The following CDK17 variants were observed in gnomAD, a reference collection of about 807,000 sequenced individuals.
The protein encoded by CDK17 is cyclin-dependent kinase 17.
In CDK17, 24 loss-of-function variants were observed where a neutral mutation model predicts 77.6. The ratio of observed to expected loss-of-function variants is 0.31; its 90% CI spans 0.22 to 0.44. CDK17 has a LOEUF of 0.44. CDK17 is among the 20% of genes least tolerant of loss of function. The pLI is 1.00. For synonymous variants in CDK17, 203 were observed against 210.4 expected (o/e 0.96, Z 0.30); for missense variants, 429 against 622.5 (o/e 0.69, Z 3.31).
chr12:96,312,000 G>T (rs1168105206), intron 4 of CDK17, among the ~76,000 whole-genome samples: 2 of 152,002 alleles, frequency 1.3e-5, no homozygotes, highest in African/African-American at 4.8e-5. Flanking sequence ...TATGGGGGAG[G>T]GATACAGAAA....
rs1952157423 is a variant in CDK17 at position 96,280,189 on chromosome 12, T to TAATTG, written c.*52_*53insCAATT. On this transcript the variant is annotated 3_prime_UTR_variant, in exon 17 of 17. Coordinates refer to ENST00000261211, the MANE Select transcript of CDK17 (RefSeq NM_002595.5). The stretch of plus-strand genomic sequence containing the variant: ...AGAAATAATTGCCTTCAGTTCTGAG[T>TAATTG]CCTTGATTGGTAAGAAAGGCTGGGG... 2.0e-6 allele frequency: 3 copies of TAATTG among 1,535,502 alleles called. No homozygotes were observed. In the East Asian group the frequency reaches 7.4e-5, roughly 38 times the overall value.
chr12:96,398,628 C>CA (rs1196126121), intron 1 of CDK17, among the ~76,000 whole-genome samples: 1 of 152,148 alleles, frequency 6.6e-6, no homozygotes, highest in Admixed American at 6.5e-5. Flanking sequence ...AGAAATCTTT[C>CA]AACAAAGACT....
Position 96,342,760 on chromosome 12 carries a change from T to C in CDK17, c.-29-7895A>G, listed in dbSNP as rs1054142461. On this transcript the variant is annotated intron_variant, in intron 1 of 16. Transcript: ENST00000261211. ...CAGGCGGATCACCTGAGGTTGGGAG[T>C]TCAAGACCGCCTGATCAACATGGAG... 6.6e-5 allele frequency among the ~76,000 whole-genome samples: 10 copies of C among 151,742 alleles called. No individual in the cohort carries two copies. The East Asian group carries it at 1.5e-3, about 24-fold the overall frequency.
intron 10 of CDK17, among the ~76,000 whole-genome samples, chr12:96,291,384 C>A (rs34370421): frequency 0.052 from 7,889 of 152,094 alleles, 270 homozygotes; most frequent in Non-Finnish European, 0.064. Context: ...CTCAACCTCC[C>A]GGGCACAACT....
At chr12:96,368,961 T>C (rs1482872386) in intron 1 of CDK17, among the ~76,000 whole-genome samples, 15 of 152,200 alleles carry the variant, frequency 9.9e-5, no homozygotes, top group African/African-American at 3.6e-4. Context: ...ATGAAATTGC[T>C]GTATTATTCC....
At chr12:96,398,962 A>T (rs923650430) in intron 1 of CDK17, 11 of 152,214 alleles carry the variant, frequency 7.2e-5, no homozygotes, top group African/African-American at 2.7e-4. Context: ...CGGCCATGTG[A>T]CATTATAGAT....
chr12:96,320,892 G>A, intron 3 of CDK17, among the ~76,000 whole-genome samples: 1 of 34,726 alleles, frequency 2.9e-5, no homozygotes, highest in South Asian at 1.1e-3. Context: ...CAGGACATAG[G>A]CATGGGCAAG....
intron 1 of CDK17, among the ~76,000 whole-genome samples, chr12:96,353,059 T>C (rs1592748280): frequency 1.3e-5 from 2 of 152,322 alleles, no homozygotes; most frequent in Admixed American, 6.5e-5. Context: ...CTATAAAATT[T>C]TGCAGAGACT....
At chr12:96,383,965 T>C (rs1419121089) in intron 1 of CDK17, among the ~76,000 whole-genome samples, 2 of 151,856 alleles carry the variant, frequency 1.3e-5, no homozygotes, top group African/African-American at 4.8e-5. Context: ...ATCAAGAGTA[T>C]ACAGACAGCC....
chr12:96,334,280 G>A (rs1383164290), intron 2 of CDK17, among the ~76,000 whole-genome samples: 3 of 152,148 alleles, frequency 2.0e-5, no homozygotes, highest in African/African-American at 7.2e-5. Flanking sequence ...ACTACTTTAT[G>A]TTGTAAAAAG....
intron 3 of CDK17, among the ~76,000 whole-genome samples, chr12:96,316,406 C>A (rs1450589116): frequency 2.6e-4 from 39 of 148,374 alleles, no homozygotes; most frequent in East Asian, 2.1e-3. Context: ...CCCAGGCTTG[C>A]TTAGGTAAAC....
chr12:96,294,690 A>T (rs1952378600), intron 10 of CDK17, among the ~76,000 whole-genome samples: 1 of 151,874 alleles, frequency 6.6e-6, no homozygotes, highest in Non-Finnish European at 1.5e-5. Flanking sequence ...ATATTAACAC[A>T]GTGAAATAGG....
chr12:96,296,473 C>A (rs1043330090), intron 9 of CDK17, among the ~76,000 whole-genome samples: 3 of 152,134 alleles, frequency 2.0e-5, no homozygotes, highest in African/African-American at 7.2e-5. Context: ...CCTTTATAAC[C>A]ACCAAACTTA....
intron 9 of CDK17, among the ~76,000 whole-genome samples, chr12:96,296,663 T>A (rs1565807584): frequency 6.6e-6 from 1 of 152,218 alleles, no homozygotes; most frequent in African/African-American, 2.4e-5. Context: ...ACTGTAAGAA[T>A]ACAAACTATG....
chr12:96,371,657 A>AG (rs1355727505), intron 1 of CDK17, among the ~76,000 whole-genome samples: 1 of 152,032 alleles, frequency 6.6e-6, no homozygotes, highest in Non-Finnish European at 1.5e-5. Flanking sequence ...ACTTGAACCC[A>AG]GGGGGCGGAG....
chr12:96,298,604 A>G (rs1009262110), intron 7 of CDK17, among the ~76,000 whole-genome samples: 4 of 152,160 alleles, frequency 2.6e-5, no homozygotes, highest in Admixed American at 6.5e-5. Flanking sequence ...TATAGTTACC[A>G]TGTTCCTCAT....
chr12:96,356,365 G>A (rs1953393736), intron 1 of CDK17, among the ~76,000 whole-genome samples: 1 of 152,172 alleles, frequency 6.6e-6, no homozygotes, highest in Non-Finnish European at 1.5e-5. Context: ...ACGGGATCAT[G>A]GCTCACTGAA....
chr12:96,399,832 G>C (rs1238620791), intron 1 of CDK17, among the ~76,000 whole-genome samples, 154 bp downstream of exon 1: 1 of 151,726 alleles, frequency 6.6e-6, no homozygotes, highest in Non-Finnish European at 1.5e-5. Flanking sequence ...CTAGCCCCCC[G>C]CGCCGCGCCT....
chr12:96,292,771 T>C (rs1952343173), intron 10 of CDK17, among the ~76,000 whole-genome samples: 1 of 152,110 alleles, frequency 6.6e-6, no homozygotes, highest in African/African-American at 2.4e-5. Flanking sequence ...TCCTTCAATA[T>C]GAAAAAGTTT....
Sources: allele counts gnomAD v4.1 joint callset (sites outside exome capture counted in the v4.1 genomes callset), GRCh38; gene constraint gnomAD v4.1.1; transcripts MANE v1.5; gene names NCBI Gene and HGNC (gene_info 2026-07-23, HGNC 2026-07-21).